MYOF: variants seen among roughly 807,000 people sequenced by gnomAD.
The protein encoded by MYOF is fer-1-like 3, myoferlin.
MYOF carries 244 observed loss-of-function variants against 284.2 expected under a neutral mutation model. The observed-to-expected ratio is 0.86, with a 90% CI of 0.77 to 0.95. MYOF has a LOEUF of 0.95. Among genes scored for constraint, MYOF ranks in the 40% least tolerant of loss-of-function variants. MYOF has a pLI of 0.00. For missense variants in MYOF, 2,496 were observed against 2,560.6 expected (o/e 0.97, Z 0.54); for synonymous variants, 904 against 919.7 (o/e 0.98, Z 0.31).
At chr10:93,381,141 G>C (rs1846091352) in intron 20 of MYOF, 78 bp downstream of exon 20, 1 of 1,449,014 alleles carries the variant, frequency 6.9e-7, no homozygotes, top group Non-Finnish European at 9.6e-7. Context: ...GTGCCAGAGG[G>C]AAGACACAGT....
chr10:93,404,265 G>C (rs1005431901), intron 7 of MYOF, 46 bp from the exon 8 acceptor site: 14 of 1,591,492 alleles, frequency 8.8e-6, no homozygotes, highest in Non-Finnish European at 1.2e-5. Flanking sequence ...CAGGGGATTC[G>C]GGTTAGGGGA....
intron 40 of MYOF, 97 bp downstream of exon 40, chr10:93,337,718 C>G: frequency 3.1e-6 from 3 of 981,424 alleles, no homozygotes; most frequent in Non-Finnish European, 4.7e-6. Context: ...CTCATTAGCA[C>G]CCACCCAAGG....
At chr10:93,382,301 T>C (rs1846160217) in intron 19 of MYOF, among the ~76,000 whole-genome samples, 2 of 152,108 alleles carry the variant, frequency 1.3e-5, no homozygotes, top group African/African-American at 4.8e-5. Context: ...TGCAATGGCA[T>C]GATCACGGCT....
intron 27 of MYOF, among the ~76,000 whole-genome samples, chr10:93,362,354 C>T (rs1264671049): frequency 6.6e-6 from 1 of 152,108 alleles, no homozygotes; most frequent in African/African-American, 2.4e-5. Flanking sequence ...AAGCGATTCT[C>T]CTGCCTCAGC....
In MYOF at chr10:93,379,953, G is replaced by A; in HGVS notation, c.1911C>T (p.Thr637=). ...ATGAAGTCAGGGTAACAACTGGCTT[G>A]GTGTGGGCCCAAGGCAAGTAATAAT... is the stretch of plus-strand genomic sequence containing the variant. ...NYYYYLPWAH[T]KPVVTLTSYW... Residue 637 remains threonine, a synonymous_variant, in exon 21 of 54, where the codon ACC becomes ACT. Transcript: ENST00000359263. The A allele has an allele frequency of 6.2e-7, 1 of 1,614,052 alleles. No homozygotes were observed. Among genetic ancestry groups the A allele is most frequent in the Non-Finnish European group, 8.5e-7 (1 of 1,179,948 alleles).
chr10:93,424,562 C>A (rs898200903), intron 5 of MYOF, among the ~76,000 whole-genome samples: 11 of 152,164 alleles, frequency 7.2e-5, no homozygotes, highest in Non-Finnish European at 8.8e-5. Flanking sequence ...GTAGAATGCT[C>A]AGGGTGCCGC....
intron 2 of MYOF, among the ~76,000 whole-genome samples, chr10:93,455,476 T>C (rs1466509436): frequency 6.6e-6 from 1 of 151,986 alleles, no homozygotes; most frequent in African/African-American, 2.4e-5. Context: ...AAGACCAGCC[T>C]GGGCAACACG....
chr10:93,407,757 A>T (rs1215176103), intron 7 of MYOF, among the ~76,000 whole-genome samples: 1 of 150,886 alleles, frequency 6.6e-6, no homozygotes, highest in Non-Finnish European at 1.5e-5. Flanking sequence ...AAAAAAAAAA[A>T]ATTTATCAGT....
At chr10:93,421,492 T>A (rs944204016) in intron 5 of MYOF, among the ~76,000 whole-genome samples, 7 of 152,212 alleles carry the variant, frequency 4.6e-5, no homozygotes, top group African/African-American at 1.4e-4. Context: ...ATCTGTCCCC[T>A]CGAAATCTTA....
At chr10:93,467,421 GT>G (rs35140625) in intron 1 of MYOF, among the ~76,000 whole-genome samples, 143,360 of 150,416 alleles carry the variant, frequency 0.95, 68,708 homozygotes, top group East Asian at 1. Context: ...GCAGTGTTTG[GT>G]TTTTTTGTCC....
At chr10:93,437,881 C>G (rs1320530545) in intron 3 of MYOF, among the ~76,000 whole-genome samples, 1 of 152,286 alleles carries the variant, frequency 6.6e-6, no homozygotes, top group South Asian at 2.1e-4. Flanking sequence ...CAAGGATGCT[C>G]CCTGTGAACT....
At chr10:93,373,146 A>G in intron 23 of MYOF, 61 bp from the exon 24 acceptor site, 1 of 1,597,022 alleles carries the variant, frequency 6.3e-7, no homozygotes, top group African/African-American at 1.3e-5. Context: ...ATGGAGAGGG[A>G]CCGAAGACCC....
At chr10:93,359,720 G>A (rs1844978369) in intron 29 of MYOF, 113 bp downstream of exon 29, 1 of 1,397,366 alleles carries the variant, frequency 7.2e-7, no homozygotes, top group Non-Finnish European at 9.9e-7. Flanking sequence ...CTTGAGTGGA[G>A]TGTTAGGCTC....
intron 17 of MYOF, among the ~76,000 whole-genome samples, chr10:93,390,127 T>C (rs1846604317): frequency 1.3e-5 from 2 of 152,232 alleles, no homozygotes; most frequent in Admixed American, 1.3e-4. Flanking sequence ...CCAGATCATA[T>C]CTATGGCCCT....
intron 5 of MYOF, 121 bp downstream of exon 5, chr10:93,425,950 G>C (rs1848570592): frequency 3.9e-6 from 4 of 1,027,398 alleles, no homozygotes; most frequent in Non-Finnish European, 5.8e-6. Flanking sequence ...CGGGGCCCCT[G>C]TCTGGGTGGG....
chr10:93,396,319 A>G, intron 15 of MYOF, 95 bp from the exon 16 acceptor site: 2 of 895,378 alleles, frequency 2.2e-6, no homozygotes, highest in Non-Finnish European at 3.3e-6. Context: ...AAAAAAAGTT[A>G]GAGCTGGAAA....
At chr10:93,386,377 AGGACCTTATTGACTTTT>A (rs1846365946) in intron 19 of MYOF, among the ~76,000 whole-genome samples, 1 of 152,224 alleles carries the variant, frequency 6.6e-6, no homozygotes, top group Non-Finnish European at 1.5e-5. Flanking sequence ...GACTATGACC[AGGACCTTATTGACTTTT>A]GGCTCCGTGT....
At chr10:93,401,720 C>T (rs769196418) in intron 11 of MYOF, among the ~76,000 whole-genome samples, 176 bp from the exon 12 acceptor site, 1 of 152,096 alleles carries the variant, frequency 6.6e-6, no homozygotes, top group Non-Finnish European at 1.5e-5. Context: ...CTCAAAACTG[C>T]TCCACAAAAT....
intron 3 of MYOF, among the ~76,000 whole-genome samples, chr10:93,451,003 T>C (rs1437271596): frequency 2.0e-5 from 3 of 152,118 alleles, no homozygotes; most frequent in African/African-American, 4.8e-5. Context: ...CACTAGGCAA[T>C]TGACTTCCAC....
Sources: gnomAD v4.1 joint callset for allele counts (sites outside exome capture counted in the v4.1 genomes callset) on GRCh38, gnomAD v4.1.1 for gene constraint, MANE v1.5 for transcripts, NCBI Gene and HGNC (gene_info 2026-07-23, HGNC 2026-07-21) for gene names.